The following VNN2 variants were observed in gnomAD, a reference collection of about 807,000 sequenced individuals.
VNN2 encodes vanin 2, also known as pantetheine hydrolase VNN2.
A neutral mutation model predicts 43.0 loss-of-function variants in VNN2; 43 were observed. The ratio of observed to expected loss-of-function variants is 1.00; its 90% confidence interval spans 0.78 to 1.29. VNN2 has a LOEUF of 1.29. VNN2 is among the 50% of genes most tolerant of loss of function. The probability of loss-of-function intolerance (pLI) is 0.00; values close to 1 mark genes in which losing one functional copy is unlikely to be tolerated. For missense variants in VNN2, 652 were observed against 619.7 expected, an observed-to-expected ratio of 1.05 and a Z score of -0.55; for synonymous variants, 230 against 224.3, an observed-to-expected ratio of 1.03 and a Z score of -0.23.
intron 6 of VNN2, among the ~76,000 whole-genome samples, chr6:132,749,036 C>T (rs1468867064): frequency 6.6e-6 from 1 of 152,186 alleles, no homozygotes; most frequent in East Asian, 1.9e-4. Context: ...GTATCTCAGA[C>T]TCACAGTTCT....
chr6:132,759,438 C>CAAAAAAAA (rs58195059), upstream of VNN2, among the ~76,000 whole-genome samples: 93 of 69,116 alleles, frequency 1.3e-3, no homozygotes, highest in African/African-American at 2.1e-3. Context: ...AACTCCGTCT[C>CAAAAAAAA]AAAAAAAAAA....
At chr6:132,762,801 A>G (rs1234539694), upstream of VNN2, among the ~76,000 whole-genome samples, 1 of 152,222 alleles carries the variant, frequency 6.6e-6, no homozygotes, top group Non-Finnish European at 1.5e-5. Context: ...TGAAATTGCC[A>G]ATCATCACTG....
At chr6:132,745,193 C>G (rs1582811307) in intron 6 of VNN2, among the ~76,000 whole-genome samples, 1 of 152,298 alleles carries the variant, frequency 6.6e-6, no homozygotes, top group East Asian at 1.9e-4. Context: ...AATTGGACAG[C>G]TGGCTGTTAA....
intron 2 of VNN2, among the ~76,000 whole-genome samples, chr6:132,757,185 G>A (rs1415284408): frequency 6.6e-6 from 1 of 152,096 alleles, no homozygotes; most frequent in Non-Finnish European, 1.5e-5. Context: ...AGTTTTTCTT[G>A]CAGGAATACC....
rs756971611 is a variant in VNN2 at position 132,755,957 on chromosome 6, C to G, written c.423G>C (p.Gly141=). The change falls in exon 3 of 7, where the codon GGG becomes GGC. Residue 141 remains glycine, a synonymous_variant. Coordinates refer to ENST00000326499, the MANE Select transcript of VNN2 (RefSeq NM_004665.6). Reference sequence around the variant, plus strand: ...CACGGGAATTACATGGCTTTTTGTCCCCCAAATTTGCCAAGACATAGATAG... The same window carrying G: ...CACGGGAATTACATGGCTTTTTGTCGCCCAAATTTGCCAAGACATAGATAG... ...DNSIYVLANL[G]DKKPCNSRDS... 2 of 1,613,854 alleles carry G rather than the reference C, an allele frequency of 1.2e-6. No homozygotes were observed. Among genetic ancestry groups the G allele is most frequent in the Non-Finnish European group, 1.7e-6 (2 of 1,179,974 alleles).
At chr6:132,762,256 C>A (rs1780756192), upstream of VNN2, among the ~76,000 whole-genome samples, 1 of 152,198 alleles carries the variant, frequency 6.6e-6, no homozygotes, top group Non-Finnish European at 1.5e-5. Context: ...GGCTACTGGA[C>A]TTCCTGTTCT....
intron 5 of VNN2, 147 bp from the exon 6 acceptor site, chr6:132,750,012 T>C: frequency 1.4e-6 from 1 of 740,328 alleles, no homozygotes; most frequent in Non-Finnish European, 2.0e-6. Context: ...AATTAACTGC[T>C]TTATTAAAAA....
intron 2 of VNN2, among the ~76,000 whole-genome samples, chr6:132,756,889 A>T (rs1780510585): frequency 6.6e-6 from 1 of 152,226 alleles, no homozygotes; most frequent in African/African-American, 2.4e-5. Flanking sequence ...GGATGACAGT[A>T]GGACCCAGAT....
At chr6:132,759,517 A>G (rs1780687195), upstream of VNN2, among the ~76,000 whole-genome samples, 1 of 151,644 alleles carries the variant, frequency 6.6e-6, no homozygotes, top group African/African-American at 2.4e-5. Context: ...GGACATTCAT[A>G]TTCTCCCTTC....
upstream of VNN2, among the ~76,000 whole-genome samples, chr6:132,762,134 T>G (rs567009214): frequency 6.6e-6 from 1 of 152,320 alleles, no homozygotes; most frequent in East Asian, 1.9e-4. Context: ...AACTCCTGAT[T>G]CGTGCTAAAC....
chr6:132,756,724 C>G (rs565709117), intron 2 of VNN2, among the ~76,000 whole-genome samples: 1 of 152,176 alleles, frequency 6.6e-6, no homozygotes, highest in South Asian at 2.1e-4. Flanking sequence ...AGTGCTCAAG[C>G]CTTATACCTA....
Position 132,757,763 on chromosome 6 carries a change from T to A in VNN2, c.121A>T (p.Thr41Ser), listed in dbSNP as rs1249803061. The change falls in exon 1 of 7, where the codon ACA becomes TCA. Residue 41 changes from threonine (T) to serine (S), a missense_variant. Thr to Ser is a moderately conservative substitution (Grantham distance 58). Transcript: ENST00000326499. Reference protein sequence around the residue: ...YEHAVILPNKTETPVSQEDAL... With the variant: ...YEHAVILPNKSETPVSQEDAL... ...TCCTCCTGAGAAACTGGTGTTTCTG[T>A]TTTATTTGGCAAAATGACAGCATGT... 2 of 1,614,062 alleles carry A rather than the reference T, an allele frequency of 1.2e-6. No individual in the cohort carries two copies. Among genetic ancestry groups the A allele is most frequent in the Non-Finnish European group, 1.7e-6 (2 of 1,180,032 alleles).
upstream of VNN2, among the ~76,000 whole-genome samples, chr6:132,762,315 T>A (rs1474687899): frequency 6.6e-6 from 1 of 152,158 alleles, no homozygotes; most frequent in East Asian, 1.9e-4. Context: ...AAACAAAGAA[T>A]GGGAAATATC....
intron 6 of VNN2, among the ~76,000 whole-genome samples, chr6:132,749,098 A>C (rs1779895525): frequency 6.6e-6 from 1 of 152,198 alleles, no homozygotes; most frequent in Non-Finnish European, 1.5e-5. Flanking sequence ...TTTTATAATT[A>C]GTTGTTATAA....
chr6:132,749,892 G>T, intron 5 of VNN2, 27 bp from the exon 6 acceptor site: 1 of 1,595,758 alleles, frequency 6.3e-7, no homozygotes, highest in Non-Finnish European at 8.6e-7. Context: ...CAGATAAAAC[G>T]CAATGCCTTA....
At chr6:132,758,017 TC>T (rs1780599300), upstream of VNN2, 23 of 222,954 alleles carry the variant, frequency 1.0e-4, 2 homozygotes, top group South Asian at 4.2e-4. Context: ...TTCTTCTTCT[TC>T]TTCTTCTTCT....
At position 132,751,226 on chromosome 6, in the gene VNN2, C is replaced by T; in HGVS notation, c.1119G>A (p.Met373Ile). 2 of 1,614,140 alleles carry T rather than the reference C, an allele frequency of 1.2e-6. No individual in the cohort carries two copies. Among genetic ancestry groups the T allele is most frequent in the Non-Finnish European group, 1.7e-6 (2 of 1,180,022 alleles). The change falls in exon 5 of 7, where the codon ATG becomes ATA. Residue 373 changes from methionine to isoleucine, a missense_variant. Transcript: ENST00000326499. ...ATACTTCATTCTCTTCTTTTTGTAA[C>T]ATTCTGTAGCTTAAATGACAGCAAA... ...KELCCHLSYRMLQKEENEVYV... is the reference protein window; with the variant it reads ...KELCCHLSYRILQKEENEVYV...
chr6:132,752,395 T>C lies in VNN2; in HGVS notation c.826+66A>G, dbSNP rs1235505234. On this transcript the variant is annotated intron_variant, in intron 4 of 6. Transcript: ENST00000326499. The stretch of plus-strand genomic sequence containing the variant: ...ATAAGCAAAAAATTAATACAAGTCA[T>C]AACTGAGGCATTCATTTCTCTGCAC... 2.6e-6 allele frequency: 4 copies of C among 1,519,458 alleles called. No individual in the cohort carries two copies. In the South Asian group the frequency reaches 3.9e-5, roughly 15 times the overall value. The allele number at this position is 1,519,458 out of a possible 1,614,324, so 94.1% of individuals were successfully genotyped here. A position where few individuals can be genotyped will look rare whatever the true frequency, so the allele number is the denominator to read the frequency against.
At position 132,755,867 on chromosome 6, in the gene VNN2, T is replaced by G; in HGVS notation, c.513A>C (p.Gly171=). ...CCTTATGGTAACGTGCCACGAGTTT[T>G]CCTTCTGTATTATACACCACATTGG... ...YNTNVVYNTE[G]KLVARYHKYH... Residue 171 remains glycine, a synonymous_variant, in exon 3 of 7, where the codon GGA becomes GGC. Transcript: ENST00000326499. The G allele has an allele frequency of 6.2e-7, 1 of 1,612,690 alleles. No homozygotes were observed. The highest frequency in any genetic ancestry group is 8.5e-7 in the Non-Finnish European group (1 of 1,179,394).
Sources: gnomAD v4.1 joint callset for allele counts (sites outside exome capture counted in the v4.1 genomes callset) on GRCh38, gnomAD v4.1.1 for gene constraint, MANE v1.5 for transcripts, NCBI Gene and HGNC (gene_info 2026-07-23, HGNC 2026-07-21) for gene names.